SATB2: variants seen among roughly 807,000 people sequenced by gnomAD.
The protein encoded by SATB2 is DNA-binding protein SATB2.
SATB2 carries 1 observed loss-of-function variant against 73.4 expected under a neutral mutation model. The ratio of observed to expected loss-of-function variants is 0.01; its 90% CI spans 0.00 to 0.06. SATB2 has a LOEUF of 0.06. Ranked by LOEUF, SATB2 falls within the 10% of genes least tolerant of loss-of-function variation. The probability of loss-of-function intolerance (pLI) is 1.00; values close to 1 mark genes in which losing one functional copy is unlikely to be tolerated. For synonymous variants in SATB2, 397 were observed against 367.0 expected, an observed-to-expected ratio of 1.08 and a Z score of -0.93; for missense variants, 459 against 945.8, an observed-to-expected ratio of 0.49 and a Z score of 6.75.
chr2:199,363,607 G>A (rs1279630171), intron 6 of SATB2, among the ~76,000 whole-genome samples: 1 of 152,074 alleles, frequency 6.6e-6, no homozygotes, highest in Non-Finnish European at 1.5e-5. Flanking sequence ...ATTGAGTACT[G>A]TGCATTTTAA....
chr2:199,354,230 C>A (rs1183937413), intron 6 of SATB2, among the ~76,000 whole-genome samples: 1 of 152,106 alleles, frequency 6.6e-6, no homozygotes, highest in African/African-American at 2.4e-5. Flanking sequence ...GTGGCTCATG[C>A]CTGTAATCCC....
At position 199,327,728 on chromosome 2, in the gene SATB2, T is replaced by C. The variant is rs139348276; in HGVS notation, c.1386+970A>G. On this transcript the variant is annotated intron_variant, in intron 8 of 10. Transcript: ENST00000417098. ...ATGAGGGCCTAAGAAAAGAATACTTTTCAAGTGTGTGGAGAGGAAGAATGG... is the reference window on the plus strand; with the variant it reads ...ATGAGGGCCTAAGAAAAGAATACTTCTCAAGTGTGTGGAGAGGAAGAATGG... Among the ~76,000 whole-genome samples the C allele has an allele frequency of 7.0e-4, 106 of 152,234 alleles. 1 individual carries two copies. The East Asian group carries it at 0.02, about 29-fold the overall frequency.
intron 5 of SATB2, among the ~76,000 whole-genome samples, chr2:199,373,044 G>A (rs1162586673): frequency 6.6e-6 from 1 of 152,180 alleles, no homozygotes; most frequent in African/African-American, 2.4e-5. Context: ...TTGAACAGCA[G>A]TGTGGTACTA....
chr2:199,306,753 AG>A (rs1034678750), intron 10 of SATB2, among the ~76,000 whole-genome samples: 16 of 152,188 alleles, frequency 1.1e-4, no homozygotes, highest in African/African-American at 3.9e-4. Flanking sequence ...ACCTAAATAC[AG>A]GGCCCAACGA....
intron 10 of SATB2, among the ~76,000 whole-genome samples, chr2:199,298,841 G>A (rs1216254770): frequency 1.3e-5 from 2 of 152,150 alleles, no homozygotes; most frequent in Admixed American, 6.6e-5. Context: ...CTGCAATGAC[G>A]ATGACTATCT....
intron 10 of SATB2, among the ~76,000 whole-genome samples, chr2:199,307,984 T>C (rs1687483447): frequency 3.3e-5 from 5 of 152,180 alleles, no homozygotes; most frequent in African/African-American, 1.2e-4. Flanking sequence ...ATTGAGAGTA[T>C]TGGGCAGCAG....
intron 3 of SATB2, among the ~76,000 whole-genome samples, chr2:199,415,760 C>T (rs1362019641): frequency 2.6e-5 from 4 of 152,200 alleles, no homozygotes; most frequent in Admixed American, 2.6e-4. Flanking sequence ...CAAAGCTCTA[C>T]GATTAGAAGC....
intron 3 of SATB2, among the ~76,000 whole-genome samples, chr2:199,432,505 C>T (rs1224358902): frequency 6.6e-6 from 1 of 152,178 alleles, no homozygotes; most frequent in East Asian, 1.9e-4. Flanking sequence ...TAATACAGGA[C>T]ACTAACATAT....
At chr2:199,392,010 C>G (rs1222257149) in intron 3 of SATB2, among the ~76,000 whole-genome samples, 1 of 152,080 alleles carries the variant, frequency 6.6e-6, no homozygotes, top group Non-Finnish European at 1.5e-5. Context: ...TTACTAAGAA[C>G]TATGGTGTTT....
intron 2 of SATB2, among the ~76,000 whole-genome samples, chr2:199,438,178 T>C (rs1462649460): frequency 6.6e-6 from 1 of 152,214 alleles, no homozygotes; most frequent in African/African-American, 2.4e-5. Context: ...TTAAATAAAA[T>C]ATATTATTAA....
At chr2:199,330,603 A>G (rs1285365917) in intron 7 of SATB2, among the ~76,000 whole-genome samples, 4 of 152,208 alleles carry the variant, frequency 2.6e-5, no homozygotes, top group African/African-American at 9.6e-5. Context: ...CGAGTGAGAC[A>G]CTTATCTTCC....
At chr2:199,284,264 C>T (rs565374934) in intron 10 of SATB2, among the ~76,000 whole-genome samples, 1 of 152,242 alleles carries the variant, frequency 6.6e-6, no homozygotes, top group Non-Finnish European at 1.5e-5. Flanking sequence ...GTAAGGGCTG[C>T]ATAACCTTAC....
upstream of SATB2, among the ~76,000 whole-genome samples, chr2:199,459,441 G>C (rs1030083168): frequency 6.6e-6 from 1 of 152,158 alleles, no homozygotes; most frequent in Non-Finnish European, 1.5e-5. This position sits in a 1 kb window ranked among gnomAD's most constrained non-coding sequence, Gnocchi z 4.2. Flanking sequence ...GCTTGGGCGC[G>C]CTGCCTCCTT....
chr2:199,455,026 T>C lies in SATB2; in HGVS notation c.169+843A>G, dbSNP rs1692233450. 6.6e-6 allele frequency among the ~76,000 whole-genome samples: 1 copy of C among 152,202 alleles called. No individual in the cohort carries two copies. Among genetic ancestry groups the C allele is most frequent in the African/African-American group, 2.4e-5 (1 of 41,452 alleles). Reference sequence around the variant, plus strand: ...TGCATGCCATGTGGAATTGTGGATTTTACATGTAAAAGACAACTAAGCAAA... The same window carrying C: ...TGCATGCCATGTGGAATTGTGGATTCTACATGTAAAAGACAACTAAGCAAA... On this transcript the variant is annotated intron_variant, in intron 2 of 10. Transcript: ENST00000417098. The surrounding 1 kb of genome is among the most constrained non-coding windows in gnomAD (Gnocchi z 4.1).
At chr2:199,302,845 T>C (rs1390260044) in intron 10 of SATB2, among the ~76,000 whole-genome samples, 2 of 151,980 alleles carry the variant, frequency 1.3e-5, no homozygotes, top group Non-Finnish European at 2.9e-5. Flanking sequence ...AAATCTGAAG[T>C]GCACTTGAAC....
chr2:199,436,650 A>G (rs547556859), intron 2 of SATB2, among the ~76,000 whole-genome samples: 1 of 152,262 alleles, frequency 6.6e-6, no homozygotes, highest in East Asian at 1.9e-4. Context: ...GTTTTACAAA[A>G]GAAGAATAAA....
chr2:199,406,828 A>G (rs1690643386), intron 3 of SATB2, among the ~76,000 whole-genome samples: 1 of 152,228 alleles, frequency 6.6e-6, no homozygotes, highest in African/African-American at 2.4e-5. Context: ...AGATGATTTA[A>G]AAGAGTTGTG....
chr2:199,293,642 G>T (rs891778809), intron 10 of SATB2, among the ~76,000 whole-genome samples: 6 of 152,128 alleles, frequency 3.9e-5, no homozygotes, highest in African/African-American at 1.4e-4. Context: ...TTGTAAAAAT[G>T]TAATTATCCA....
chr2:199,392,097 A>G (rs887866692), intron 3 of SATB2, among the ~76,000 whole-genome samples: 1 of 152,158 alleles, frequency 6.6e-6, no homozygotes, highest in African/African-American at 2.4e-5. Context: ...CCTCTGAAAC[A>G]AAAGCTCCAG....
Sources: allele counts gnomAD v4.1 joint callset (sites outside exome capture counted in the v4.1 genomes callset), GRCh38; gene constraint gnomAD v4.1.1; non-coding constraint Gnocchi (gnomAD v3.1); transcripts MANE v1.5; gene names NCBI Gene and HGNC (gene_info 2026-07-23, HGNC 2026-07-21).